The following VEZT variants were observed in gnomAD, a reference collection of about 807,000 sequenced individuals.
The protein encoded by VEZT is vezatin, adherens junctions transmembrane protein, also known as vezatin.
Under a neutral mutation model 79.9 loss-of-function variants are expected in VEZT, and 39 were observed. The observed-to-expected ratio is 0.49, with a 90% CI of 0.38 to 0.64. The LOEUF (loss-of-function observed/expected upper bound fraction) is 0.64. VEZT is among the 30% of genes least tolerant of loss of function. The probability of loss-of-function intolerance (pLI) is 0.00; values close to 1 mark genes in which losing one functional copy is unlikely to be tolerated. For synonymous variants in VEZT, 325 were observed against 327.6 expected, an observed-to-expected ratio of 0.99 and a Z score of 0.09; for missense variants, 837 against 893.1, an observed-to-expected ratio of 0.94 and a Z score of 0.80.
chr12:95,298,513 G>A (rs956598683), intron 11 of VEZT, among the ~76,000 whole-genome samples: 1 of 151,994 alleles, frequency 6.6e-6, no homozygotes, highest in Non-Finnish European at 1.5e-5. Flanking sequence ...TTAAATAGGG[G>A]CCTTATTATC....
At chr12:95,263,728 T>C (rs1199553508) in intron 4 of VEZT, 1 of 152,198 alleles carries the variant, frequency 6.6e-6, no homozygotes, top group African/African-American at 2.4e-5. Context: ...CTTCTTTGTG[T>C]TTCTTTATAA....
At chr12:95,286,591 T>C in intron 8 of VEZT, 1 of 463,402 alleles carries the variant, frequency 2.2e-6, no homozygotes, top group Admixed American at 2.7e-5. Context: ...TACCATCTTT[T>C]TCTTCACCAG....
chr12:95,280,060 A>G (rs2068657855), intron 7 of VEZT, among the ~76,000 whole-genome samples: 1 of 151,858 alleles, frequency 6.6e-6, no homozygotes, highest in Non-Finnish European at 1.5e-5. Context: ...CTCACCTTCC[A>G]CCACTAACCA....
chr12:95,220,410 C>T (rs2057387978), intron 1 of VEZT, among the ~76,000 whole-genome samples: 2 of 152,062 alleles, frequency 1.3e-5, no homozygotes, highest in South Asian at 2.1e-4. Context: ...GAGCCATGAT[C>T]GCACCGCTGT....
chr12:95,245,237 AT>A (rs2061563589), intron 1 of VEZT, among the ~76,000 whole-genome samples: 1 of 152,176 alleles, frequency 6.6e-6, no homozygotes, highest in Non-Finnish European at 1.5e-5. Context: ...GTCTCAAAAA[AT>A]AAAAAATAAA....
At chr12:95,259,315 T>G (rs1426504183) in intron 3 of VEZT, among the ~76,000 whole-genome samples, 1 of 152,230 alleles carries the variant, frequency 6.6e-6, no homozygotes, top group Non-Finnish European at 1.5e-5. Context: ...ATAATTACTT[T>G]GTGTTCTATA....
intron 4 of VEZT, among the ~76,000 whole-genome samples, chr12:95,266,057 G>T (rs960709852): frequency 1.3e-5 from 2 of 152,134 alleles, no homozygotes; most frequent in Non-Finnish European, 2.9e-5. Context: ...CACCTACAGA[G>T]AATTTGAGTT....
Position 95,252,001 on chromosome 12 carries a change from C to T in VEZT, c.98C>T (p.Ser33Phe), listed in dbSNP as rs770363379. Residue 33 changes from serine to phenylalanine, a missense_variant, in exon 2 of 12, where the codon TCT (serine) becomes TTT (phenylalanine). Coordinates refer to ENST00000436874, the MANE Select transcript of VEZT (RefSeq NM_017599.4). ...LGHTDFEICS[S>F]LSPKTEKCTT... ...CACACAGACTTTGAAATATGTTCTT[C>T]TTTGTCACCAAAAACAGAAAAATGC... is the stretch of plus-strand genomic sequence containing the variant. The T allele has an allele frequency of 2.4e-5, 38 of 1,612,472 alleles. No individual in the cohort carries two copies. In the Admixed American group the frequency reaches 6.4e-4, roughly 27 times the overall value.
At chr12:95,260,098 CTTTTTTTTTTT>C (rs56756447) in intron 3 of VEZT, among the ~76,000 whole-genome samples, 2 of 68,508 alleles carry the variant, frequency 2.9e-5, no homozygotes, top group African/African-American at 1.3e-4. Context: ...TGGTTGATCA[CTTTTTTTTTTT>C]TTTTTTTTTT....
intron 1 of VEZT, among the ~76,000 whole-genome samples, chr12:95,236,076 G>A (rs952434727): frequency 2.6e-5 from 4 of 152,126 alleles, no homozygotes; most frequent in Non-Finnish European, 4.4e-5. Flanking sequence ...GCAGGCGGCT[G>A]GGAGGTGGAG....
intron 3 of VEZT, among the ~76,000 whole-genome samples, chr12:95,259,499 GTTA>G (rs1399750630): frequency 6.6e-6 from 1 of 152,158 alleles, no homozygotes; most frequent in Non-Finnish European, 1.5e-5. Context: ...AGTAGCTACT[GTTA>G]TTATCCCACT....
intron 1 of VEZT, among the ~76,000 whole-genome samples, chr12:95,250,031 TTG>T (rs2062285193): frequency 6.6e-6 from 1 of 150,964 alleles, no homozygotes; most frequent in African/African-American, 2.4e-5. Context: ...TTTTTTTCTG[TTG>T]TTTTATCTCT....
chr12:95,300,612 T>C lies in VEZT; in HGVS notation c.2279T>C (p.Phe760Ser). 1 of 1,610,016 alleles carries C rather than the reference T, an allele frequency of 6.2e-7. No individual in the cohort carries two copies. Among genetic ancestry groups the C allele is most frequent in the Non-Finnish European group, 8.5e-7 (1 of 1,177,818 alleles). Reference sequence around the variant, plus strand: ...TTTACCACCATGCAGGAACAGACTTTTGGTGGTGAGGAGGAAGAACAAATA... The same window carrying C: ...TTTACCACCATGCAGGAACAGACTTCTGGTGGTGAGGAGGAAGAACAAATA... Reference protein sequence around the residue: ...LSFTTMQEQTFGGEEEEQIIE... With the variant: ...LSFTTMQEQTSGGEEEEQIIE... The change falls in exon 12 of 12, where the codon TTT becomes TCT. Residue 760 changes from phenylalanine (F) to serine (S), a missense_variant. Transcript: ENST00000436874.
At chr12:95,262,446 T>C (rs2064722115) in intron 3 of VEZT, 1 of 152,666 alleles carries the variant, frequency 6.6e-6, no homozygotes, top group South Asian at 2.1e-4. Flanking sequence ...GATTTTACAT[T>C]GCATTCCTTA....
intron 4 of VEZT, among the ~76,000 whole-genome samples, chr12:95,265,532 A>C (rs2065365665): frequency 6.6e-6 from 1 of 151,380 alleles, no homozygotes; most frequent in South Asian, 2.1e-4. Flanking sequence ...TAAATCTATA[A>C]AATCGGATTT....
At chr12:95,228,422 T>C (rs2058790056) in intron 1 of VEZT, among the ~76,000 whole-genome samples, 1 of 152,210 alleles carries the variant, frequency 6.6e-6, no homozygotes, top group Non-Finnish European at 1.5e-5. Context: ...TCTGTGAACA[T>C]ATACATGGAC....
At chr12:95,261,866 A>T (rs1012638662) in intron 3 of VEZT, among the ~76,000 whole-genome samples, 1 of 152,238 alleles carries the variant, frequency 6.6e-6, no homozygotes, top group Non-Finnish European at 1.5e-5. Context: ...CCCCTACATA[A>T]TGGAGAGGAG....
intron 6 of VEZT, among the ~76,000 whole-genome samples, chr12:95,272,452 C>G (rs1004962721): frequency 6.6e-6 from 1 of 152,138 alleles, no homozygotes; most frequent in Non-Finnish European, 1.5e-5. Context: ...AGAAGACCAT[C>G]ATGAGTTGAG....
intron 1 of VEZT, among the ~76,000 whole-genome samples, chr12:95,225,617 C>T (rs2062986754): frequency 6.6e-6 from 1 of 151,928 alleles, no homozygotes; most frequent in South Asian, 2.1e-4. Flanking sequence ...CTCTCAATAA[C>T]CTAACAAAGT....
Sources: allele counts gnomAD v4.1 joint callset (sites outside exome capture counted in the v4.1 genomes callset), GRCh38; gene constraint gnomAD v4.1.1; transcripts MANE v1.5; gene names NCBI Gene and HGNC (gene_info 2026-07-23, HGNC 2026-07-21).